ARL15: variants seen among roughly 807,000 people sequenced by gnomAD.
ARL15 encodes ADP-ribosylation factor-like protein 15.
A neutral mutation model predicts 25.2 loss-of-function variants in ARL15; 19 were observed. That is an observed-to-expected ratio of 0.75 (90% CI 0.53 to 1.10). The LOEUF is 1.10. Ranked by LOEUF, ARL15 falls within the 50% of genes least tolerant of loss-of-function variation. ARL15 has a pLI of 0.00. For missense variants in ARL15, 220 were observed against 246.0 expected (o/e 0.89, Z 0.71); for synonymous variants, 94 against 86.8 (o/e 1.08, Z -0.46).
At chr5:54,179,127 T>C (rs967925733) in intron 1 of ARL15, among the ~76,000 whole-genome samples, 3 of 152,262 alleles carry the variant, frequency 2.0e-5, no homozygotes, top group East Asian at 1.9e-4. Context: ...TGAGCTGTTT[T>C]CCAAACTTCT....
At chr5:54,102,532 T>A (rs1426748766) in intron 4 of ARL15, among the ~76,000 whole-genome samples, 1 of 152,122 alleles carries the variant, frequency 6.6e-6, no homozygotes, top group Non-Finnish European at 1.5e-5. Context: ...CTCAAGATCT[T>A]TTTTGGCCTA....
intron 4 of ARL15, among the ~76,000 whole-genome samples, chr5:53,920,558 C>T (rs935445611): frequency 6.6e-6 from 1 of 151,734 alleles, no homozygotes; most frequent in Non-Finnish European, 1.5e-5. Flanking sequence ...GCAATCCCAG[C>T]ACTTTGGGAT....
intron 2 of ARL15, among the ~76,000 whole-genome samples, chr5:54,166,066 A>G (rs1045034159): frequency 3.9e-5 from 6 of 152,184 alleles, no homozygotes; most frequent in African/African-American, 1.4e-4. Flanking sequence ...GTCTGACTAC[A>G]TATTTGGGCA....
In ARL15 at chr5:53,884,870, AG is replaced by A. The variant is rs1292724530; in HGVS notation, c.*1690del. 1 of 152,628 alleles carries A rather than the reference AG, an allele frequency of 6.6e-6. No individual in the cohort carries two copies. The highest frequency in any genetic ancestry group is 2.4e-5 in the African/African-American group (1 of 41,446). The allele number at this position is 152,628 out of a possible 1,614,324, so 9.5% of individuals were successfully genotyped here. On this transcript the variant is annotated 3_prime_UTR_variant, in exon 5 of 5. Transcript: ENST00000504924. ...TTGTGTAACTGGTCATCGGAATAAAAGTTTTGTGCTGCTCAGGGATTACACA... is the reference window on the plus strand; with the variant it reads ...TTGTGTAACTGGTCATCGGAATAAAATTTTGTGCTGCTCAGGGATTACACA...
Position 53,906,142 on chromosome 5 carries a change from C to T in ARL15, c.463-19429G>A, listed in dbSNP as rs371573652. On this transcript the variant is annotated intron_variant, in intron 4 of 4. Transcript: ENST00000504924. The stretch of plus-strand genomic sequence containing the variant: ...TCAATTATAGTTTTCATAAAACATA[C>T]GGAAATGCTGAAATCTCCTGCAGCT... Among the ~76,000 whole-genome samples the T allele has an allele frequency of 1.5e-3, 224 of 152,272 alleles. 2 individuals are homozygous for T. In the South Asian group the frequency reaches 0.034, roughly 23 times the overall value.
intron 1 of ARL15, among the ~76,000 whole-genome samples, chr5:54,190,030 T>C (rs114937235): frequency 1.5e-3 from 224 of 152,192 alleles, no homozygotes; most frequent in African/African-American, 5.3e-3. Flanking sequence ...AAAGAAGATA[T>C]ACAAAAGGCT....
chr5:53,978,912 CAAT>C (rs1426898220), intron 4 of ARL15, among the ~76,000 whole-genome samples: 1 of 152,042 alleles, frequency 6.6e-6, no homozygotes, highest in African/African-American at 2.4e-5. Flanking sequence ...TTTGTAAATA[CAAT>C]GTTGTATAAA....
At chr5:54,036,601 T>C (rs779880056) in intron 4 of ARL15, among the ~76,000 whole-genome samples, 5 of 152,158 alleles carry the variant, frequency 3.3e-5, no homozygotes, top group Non-Finnish European at 7.4e-5. Context: ...AAAAACTATA[T>C]TTTTGTATAA....
intron 3 of ARL15, among the ~76,000 whole-genome samples, chr5:54,139,003 G>C (rs1487083885): frequency 6.6e-6 from 1 of 152,090 alleles, no homozygotes; most frequent in African/African-American, 2.4e-5. Context: ...TTATTAAAAA[G>C]TCAAGAAAAA....
intron 1 of ARL15, among the ~76,000 whole-genome samples, chr5:54,173,171 G>T (rs181522666): frequency 6.7e-6 from 1 of 148,376 alleles, no homozygotes; most frequent in Admixed American, 6.8e-5. Flanking sequence ...CAAAAAGAGC[G>T]AGACTCCATC....
chr5:54,054,085 G>A (rs1427625371), intron 4 of ARL15, among the ~76,000 whole-genome samples: 1 of 152,084 alleles, frequency 6.6e-6, no homozygotes. Context: ...AGCTATGAAT[G>A]TACCACCCAA....
intron 4 of ARL15, among the ~76,000 whole-genome samples, chr5:53,925,775 T>C (rs1745998564): frequency 6.6e-6 from 1 of 152,052 alleles, no homozygotes; most frequent in Admixed American, 6.6e-5. Flanking sequence ...ACCACTGCAC[T>C]CCAGTCTGGG....
intron 4 of ARL15, among the ~76,000 whole-genome samples, chr5:53,962,263 G>A (rs1747395809): frequency 6.6e-6 from 1 of 152,136 alleles, no homozygotes. Flanking sequence ...AAAGTATGAT[G>A]TAAATATAAA....
chr5:54,282,368 G>C (rs963848351), intron 1 of ARL15: 13 of 985,408 alleles, frequency 1.3e-5, no homozygotes, highest in Non-Finnish European at 1.6e-5. Flanking sequence ...AGAAATGTTT[G>C]TACCAAAGAA....
At chr5:53,987,669 G>A (rs1026147680) in intron 4 of ARL15, among the ~76,000 whole-genome samples, 1 of 152,146 alleles carries the variant, frequency 6.6e-6, no homozygotes, top group African/African-American at 2.4e-5. Context: ...ACTTCTCTGA[G>A]GCTGGACTCG....
At chr5:54,021,891 G>A (rs115238314) in intron 4 of ARL15, among the ~76,000 whole-genome samples, 8,908 of 152,084 alleles carry the variant, frequency 0.059, 305 homozygotes, top group Middle Eastern at 0.088. Flanking sequence ...CAAAGCAGCA[G>A]GGCAGAAAGG....
At chr5:54,069,557 TCAAAAAA>T (rs1340960426) in intron 4 of ARL15, among the ~76,000 whole-genome samples, 1 of 7,376 alleles carries the variant, frequency 1.4e-4, no homozygotes, top group African/African-American at 8.4e-4. Flanking sequence ...GCAAAACGTC[TCAAAAAA>T]AAAAAAAAAA....
intron 4 of ARL15, among the ~76,000 whole-genome samples, chr5:53,962,693 T>C (rs1036856238): frequency 3.3e-5 from 5 of 152,162 alleles, no homozygotes; most frequent in African/African-American, 1.2e-4. Flanking sequence ...AGTTAAATGA[T>C]GTGAACAGAT....
intron 4 of ARL15, among the ~76,000 whole-genome samples, chr5:54,036,240 T>C (rs918116484): frequency 5.9e-5 from 9 of 152,112 alleles, no homozygotes; most frequent in Non-Finnish European, 8.8e-5. Flanking sequence ...AAATGAAATA[T>C]CCCTCATGTA....
Sources: gnomAD v4.1 joint callset for allele counts (sites outside exome capture counted in the v4.1 genomes callset) on GRCh38, gnomAD v4.1.1 for gene constraint, MANE v1.5 for transcripts, NCBI Gene and HGNC (gene_info 2026-07-23, HGNC 2026-07-21) for gene names.